TUSC3: variants seen among roughly 807,000 people sequenced by gnomAD.
The protein encoded by TUSC3 is dolichyl-diphosphooligosaccharide--protein glycosyltransferase subunit TUSC3.
Under a neutral mutation model 44.8 loss-of-function variants are expected in TUSC3, and 45 were observed. That is an observed-to-expected ratio of 1.00 (90% CI 0.79 to 1.29). The LOEUF (loss-of-function observed/expected upper bound fraction) is 1.29. Among genes scored for constraint, TUSC3 ranks in the 50% most tolerant of loss-of-function variants. TUSC3 has a pLI of 0.00. For synonymous variants in TUSC3, 212 were observed against 152.9 expected, an observed-to-expected ratio of 1.39 and a Z score of -2.85; for missense variants, 519 against 437.9, an observed-to-expected ratio of 1.19 and a Z score of -1.65.
At chr8:15,724,006 G>C (rs1810405024) in intron 6 of TUSC3, among the ~76,000 whole-genome samples, 1 of 152,092 alleles carries the variant, frequency 6.6e-6, no homozygotes, top group East Asian at 1.9e-4. Flanking sequence ...TGACTGTTTG[G>C]ACGTGGGTCT....
At chr8:15,703,523 C>T (rs192755666) in intron 6 of TUSC3, among the ~76,000 whole-genome samples, 22 of 152,136 alleles carry the variant, frequency 1.4e-4, no homozygotes, top group African/African-American at 5.1e-4. Flanking sequence ...TAAAGGAATA[C>T]CTGAGACTAG....
At chr8:15,519,752 C>G (rs10090743) in intron 2 of TUSC3, among the ~76,000 whole-genome samples, 2,988 of 152,254 alleles carry the variant, frequency 0.02, 125 homozygotes, top group African/African-American at 0.067. Context: ...AAGGGGACCA[C>G]TGGATTAAGT....
At chr8:15,614,287 G>C (rs1274099499) in intron 1 of TUSC3, among the ~76,000 whole-genome samples, 2 of 151,982 alleles carry the variant, frequency 1.3e-5, no homozygotes, top group East Asian at 3.9e-4. Context: ...ATGCCCACTA[G>C]CCTTTATGTA....
chr8:15,476,739 G>A (rs1382072190), intron 1 of TUSC3, among the ~76,000 whole-genome samples: 1 of 152,174 alleles, frequency 6.6e-6, no homozygotes, highest in Non-Finnish European at 1.5e-5. Flanking sequence ...CAAGAGCCTG[G>A]TTACAGAATT....
At chr8:15,843,894 C>G in the TUSC3 span, among the ~76,000 whole-genome samples, 1 of 152,072 alleles carries the variant, frequency 6.6e-6, no homozygotes, top group African/African-American at 2.4e-5. Context: ...GATGAAGTCT[C>G]AGGACAATTC....
At chr8:15,757,244 G>C (rs1811963794) in intron 9 of TUSC3, among the ~76,000 whole-genome samples, 1 of 152,198 alleles carries the variant, frequency 6.6e-6, no homozygotes, top group Admixed American at 6.6e-5. Context: ...GACACAGAAA[G>C]TGGCTTCCAT....
At chr8:15,830,971 C>T in the TUSC3 span, among the ~76,000 whole-genome samples, 1 of 149,816 alleles carries the variant, frequency 6.7e-6, no homozygotes, top group Non-Finnish European at 1.5e-5. Flanking sequence ...TCACTGCCAC[C>T]ACTGCTGGCA....
At chr8:15,609,012 T>A (rs1804650364) in intron 1 of TUSC3, among the ~76,000 whole-genome samples, 1 of 152,210 alleles carries the variant, frequency 6.6e-6, no homozygotes, top group Non-Finnish European at 1.5e-5. Context: ...CGTTGGAAAT[T>A]TTTTAAAGTA....
intron 7 of TUSC3, among the ~76,000 whole-genome samples, chr8:15,741,177 G>C (rs1450191129): frequency 3.9e-5 from 6 of 152,024 alleles, no homozygotes; most frequent in Non-Finnish European, 8.8e-5. Flanking sequence ...ATTTATATGT[G>C]TATAAAATTT....
chr8:15,675,898 C>T (rs1208956072), intron 6 of TUSC3, among the ~76,000 whole-genome samples: 2 of 152,120 alleles, frequency 1.3e-5, no homozygotes, highest in South Asian at 2.1e-4. Flanking sequence ...AATGAACATA[C>T]AAGTGTATGT....
At chr8:15,751,305 A>G (rs543927875) in intron 9 of TUSC3, among the ~76,000 whole-genome samples, 2 of 152,268 alleles carry the variant, frequency 1.3e-5, no homozygotes, top group African/African-American at 4.8e-5. Flanking sequence ...GAAAAAGTTC[A>G]GAAAGTAGGT....
intron 2 of TUSC3, among the ~76,000 whole-genome samples, chr8:15,517,983 CAA>C (rs34752261): frequency 2.3e-4 from 34 of 150,136 alleles, no homozygotes; most frequent in African/African-American, 8.3e-4. Flanking sequence ...CAAGAACAAA[CAA>C]AAAAAAACCC....
intron 2 of TUSC3, among the ~76,000 whole-genome samples, chr8:15,497,134 G>C (rs1839848832): frequency 6.6e-6 from 1 of 152,146 alleles, no homozygotes; most frequent in South Asian, 2.1e-4. Context: ...TAAAAGGTAT[G>C]GTGGTTGTCG....
intron 2 of TUSC3, among the ~76,000 whole-genome samples, chr8:15,641,657 C>T (rs931293241): frequency 1.3e-5 from 2 of 152,136 alleles, no homozygotes; most frequent in African/African-American, 4.8e-5. Context: ...CTAGTATTGT[C>T]ATGCTAAAAA....
intron 1 of TUSC3, among the ~76,000 whole-genome samples, chr8:15,564,600 T>G (rs1462305137): frequency 6.6e-6 from 1 of 152,184 alleles, no homozygotes; most frequent in Non-Finnish European, 1.5e-5. Context: ...ATATTTCTTT[T>G]ACATCCGTTG....
At chr8:15,833,218 G>C in the TUSC3 span, among the ~76,000 whole-genome samples, 12 of 152,232 alleles carry the variant, frequency 7.9e-5, no homozygotes, top group African/African-American at 2.9e-4. Context: ...AACAGGTGCT[G>C]GCAAGGTTGC....
the TUSC3 span, among the ~76,000 whole-genome samples, chr8:15,824,665 G>A: frequency 4.6e-5 from 7 of 152,048 alleles, no homozygotes; most frequent in East Asian, 5.8e-4. Flanking sequence ...GTTAAATGAC[G>A]AGTTAATGGG....
chr8:15,583,895 G>A (rs1481675236), intron 1 of TUSC3, among the ~76,000 whole-genome samples: 1 of 152,150 alleles, frequency 6.6e-6, no homozygotes. Flanking sequence ...GTAGTTTTTG[G>A]AAGGAAAAAT....
At chr8:15,841,649 G>A in the TUSC3 span, among the ~76,000 whole-genome samples, 1 of 152,104 alleles carries the variant, frequency 6.6e-6, no homozygotes, top group East Asian at 1.9e-4. Context: ...GAGTAGCTAG[G>A]ATTACAGGCA....
Sources: allele counts gnomAD v4.1 joint callset (sites outside exome capture counted in the v4.1 genomes callset), GRCh38; gene constraint gnomAD v4.1.1; transcripts MANE v1.5; gene names NCBI Gene and HGNC (gene_info 2026-07-23, HGNC 2026-07-21).